Variants in NTM observed in about 807,000 individuals in gnomAD.
NTM encodes the protein neurotrimin, also known as IgLON family member 2.
In NTM, 13 loss-of-function variants were observed where a neutral mutation model predicts 42.1. The ratio of observed to expected loss-of-function variants is 0.31; its 90% CI spans 0.20 to 0.49. NTM has a LOEUF of 0.49. Among genes scored for constraint, NTM ranks in the 20% least tolerant of loss-of-function variants. The pLI is 0.99. For synonymous variants in NTM, 187 were observed against 179.2 expected (o/e 1.04, Z -0.35); for missense variants, 373 against 452.8 (o/e 0.82, Z 1.60).
chr11:132,210,807 A>G (rs1197209875), intron 3 of NTM, among the ~76,000 whole-genome samples: 2 of 152,192 alleles, frequency 1.3e-5, no homozygotes, highest in Non-Finnish European at 2.9e-5. Context: ...TCTGAAAATA[A>G]GCACATGGAG....
intron 1 of NTM, among the ~76,000 whole-genome samples, chr11:131,815,251 G>GT (rs2092905175): frequency 6.6e-6 from 1 of 152,092 alleles, no homozygotes; most frequent in Non-Finnish European, 1.5e-5. Flanking sequence ...GCTAACTACA[G>GT]TTTTTGTGTC....
chr11:131,804,122 C>A (rs1426082555), intron 1 of NTM, among the ~76,000 whole-genome samples: 1 of 152,206 alleles, frequency 6.6e-6, no homozygotes, highest in East Asian at 1.9e-4. Context: ...CCACCACCTG[C>A]ATCCTAGTTT....
intron 2 of NTM, among the ~76,000 whole-genome samples, chr11:131,971,504 T>C (rs1426947803): frequency 1.3e-5 from 2 of 152,212 alleles, no homozygotes; most frequent in Non-Finnish European, 2.9e-5. Flanking sequence ...TCAGTAGATA[T>C]TGAAGATATG....
At chr11:131,942,920 G>A (rs6590607) in intron 2 of NTM, among the ~76,000 whole-genome samples, 27,490 of 149,030 alleles carry the variant, frequency 0.18, 2,824 homozygotes, top group Middle Eastern at 0.33. Context: ...CACTCCAGTC[G>A]GGTCAAGAGA....
At chr11:131,891,772 T>C (rs115773805) in intron 1 of NTM, among the ~76,000 whole-genome samples, 1 of 152,338 alleles carries the variant, frequency 6.6e-6, no homozygotes, top group African/African-American at 2.4e-5. Context: ...GGCAGGCCTG[T>C]TACATTGCTC....
In NTM at chr11:131,787,449, G is replaced by A. The variant is rs142955939; in HGVS notation, c.83-124115G>A. On this transcript the variant is annotated intron_variant, in intron 1 of 8. Transcript: ENST00000683400. Reference sequence around the variant, plus strand: ...GGCTGGAGTGCAGTGGCATGAGCTCGGCTCTCTGCAGCCTCCTCCTCCTCC... The same window carrying A: ...GGCTGGAGTGCAGTGGCATGAGCTCAGCTCTCTGCAGCCTCCTCCTCCTCC... 1.5e-3 allele frequency among the ~76,000 whole-genome samples: 226 copies of A among 151,020 alleles called. 1 individual carries two copies. The highest frequency in any genetic ancestry group is 6.1e-3 in the South Asian group (29 of 4,764).
chr11:132,033,404 G>A (rs577041815), intron 2 of NTM, among the ~76,000 whole-genome samples: 1 of 152,352 alleles, frequency 6.6e-6, no homozygotes, highest in East Asian at 1.9e-4. Flanking sequence ...ATTTCCAGCA[G>A]CTATTGAAGA....
intron 7 of NTM, among the ~76,000 whole-genome samples, chr11:132,329,275 C>CAAAG: frequency 6.6e-6 from 1 of 152,270 alleles, no homozygotes; most frequent in Middle Eastern, 3.4e-3. Flanking sequence ...GGGTGAACGA[C>CAAAG]AAAGAGGGAA....
chr11:131,463,551 A>G (rs1951607007), intron 1 of NTM, among the ~76,000 whole-genome samples: 1 of 152,238 alleles, frequency 6.6e-6, no homozygotes, highest in Non-Finnish European at 1.5e-5. Flanking sequence ...AGCTGCTAGT[A>G]TTATTATTTA....
At chr11:131,439,470 G>A (rs543757648) in intron 1 of NTM, among the ~76,000 whole-genome samples, 10 of 152,316 alleles carry the variant, frequency 6.6e-5, no homozygotes, top group Admixed American at 3.3e-4. Flanking sequence ...CACCCAGTTC[G>A]AGCTTCCCAG....
chr11:131,869,061 TGACA>T (rs1202610969), intron 1 of NTM, among the ~76,000 whole-genome samples: 3 of 152,164 alleles, frequency 2.0e-5, no homozygotes, highest in African/African-American at 4.8e-5. Context: ...TCTTTCCCAC[TGACA>T]GACAGCATGA....
chr11:132,119,311 C>T (rs2064378263), intron 2 of NTM, among the ~76,000 whole-genome samples: 1 of 151,830 alleles, frequency 6.6e-6, no homozygotes, highest in Admixed American at 6.6e-5. Context: ...TTTTCCAAAG[C>T]ACACTGTGCA....
chr11:132,237,367 A>T (rs952564740), intron 4 of NTM, among the ~76,000 whole-genome samples: 2 of 151,650 alleles, frequency 1.3e-5, no homozygotes, highest in Non-Finnish European at 2.9e-5. Flanking sequence ...TTTCTTTGGG[A>T]TCTCGGTACG....
At chr11:132,263,710 C>A (rs777361588) in intron 4 of NTM, among the ~76,000 whole-genome samples, 4 of 152,124 alleles carry the variant, frequency 2.6e-5, no homozygotes, top group Non-Finnish European at 5.9e-5. Flanking sequence ...TAGAAAGTTC[C>A]TAAGCTAAAT....
At chr11:131,587,913 G>C (rs1022260345) in intron 1 of NTM, among the ~76,000 whole-genome samples, 3 of 152,306 alleles carry the variant, frequency 2.0e-5, no homozygotes, top group African/African-American at 7.2e-5. Flanking sequence ...TCATCTTTAG[G>C]ATGAGGCTGA....
chr11:132,312,208 C>CT (rs1016303194), intron 6 of NTM, among the ~76,000 whole-genome samples: 9 of 152,166 alleles, frequency 5.9e-5, no homozygotes, highest in African/African-American at 2.2e-4. Flanking sequence ...TGTGTCTGCC[C>CT]TGGGGGGAAG....
At position 131,523,712 on chromosome 11, in the gene NTM, C is replaced by T. The variant is rs1262942588; in HGVS notation, c.82+152824C>T. On this transcript the variant is annotated intron_variant, in intron 1 of 8. Coordinates refer to ENST00000683400, the MANE Select transcript of NTM (RefSeq NM_001352005.2). ...GCTGAGACAGAAGAATAGCTTGAAC[C>T]CAGGTGGCAGAGGTTGCAGTGAGCC... is the stretch of plus-strand genomic sequence containing the variant. Among the ~76,000 whole-genome samples, 4 of 148,330 alleles carry T rather than the reference C, an allele frequency of 2.7e-5. No homozygotes were observed. In the Middle Eastern group the frequency reaches 0.011, roughly 394 times the overall value.
At chr11:132,018,873 A>G (rs147099673) in intron 2 of NTM, among the ~76,000 whole-genome samples, 376 of 152,086 alleles carry the variant, frequency 2.5e-3, no homozygotes, top group African/African-American at 8.5e-3. Context: ...AAGATTTTTC[A>G]TTGCTAATTT....
At chr11:131,400,810 T>C (rs973943525) in intron 1 of NTM, among the ~76,000 whole-genome samples, 1 of 152,202 alleles carries the variant, frequency 6.6e-6, no homozygotes, top group African/African-American at 2.4e-5. Context: ...AGGAATGTTT[T>C]AGAAAATCTA....
Sources: allele counts gnomAD v4.1 joint callset (sites outside exome capture counted in the v4.1 genomes callset), GRCh38; gene constraint gnomAD v4.1.1; transcripts MANE v1.5; gene names NCBI Gene and HGNC (gene_info 2026-07-23, HGNC 2026-07-21).